The following ESR1 variants were observed in gnomAD, a reference collection of about 807,000 sequenced individuals.
The protein encoded by ESR1 is estrogen receptor.
In ESR1, 12 loss-of-function variants were observed where a neutral mutation model predicts 52.7. The observed-to-expected ratio is 0.23, with a 90% CI of 0.15 to 0.37. The LOEUF is 0.37. ESR1 is among the 10% of genes least tolerant of loss of function. The pLI is 1.00. For synonymous variants in ESR1, 305 were observed against 316.8 expected (o/e 0.96, Z 0.39); for missense variants, 584 against 779.7 (o/e 0.75, Z 2.99).
chr6:151,872,133 C>T (rs1791080824), intron 2 of ESR1, among the ~76,000 whole-genome samples: 1 of 152,196 alleles, frequency 6.6e-6, no homozygotes, highest in Admixed American at 6.5e-5. Context: ...TTGCTTTCCA[C>T]TTGTTGGAAG....
chr6:151,930,329 T>A (rs1342027074), intron 3 of ESR1, among the ~76,000 whole-genome samples: 1 of 152,156 alleles, frequency 6.6e-6, no homozygotes, highest in East Asian at 1.9e-4. Flanking sequence ...GCCGCTAAAG[T>A]TCACAGTATA....
chr6:152,122,388 C>T lies in ESR1; in HGVS notation c.851-2878C>T, dbSNP rs369250392. The T allele has an allele frequency of 2.0e-5, 32 of 1,613,284 alleles. No individual in the cohort carries two copies. In the African/African-American group the frequency reaches 2.7e-4, roughly 13 times the overall value. ...TGGTAGTTTGGGATTGCTTATGACC[C>T]GATCCTCCTTATGCTACCAGCACTT... is the stretch of plus-strand genomic sequence containing the variant. On this transcript the variant is annotated intron_variant, in intron 6 of 6. Coordinates refer to the ESR1 transcript ENST00000427531.
chr6:151,667,456 TTG>T (rs1777871400), intron 1 of ESR1, among the ~76,000 whole-genome samples: 1 of 152,108 alleles, frequency 6.6e-6, no homozygotes, highest in Non-Finnish European at 1.5e-5. Flanking sequence ...GGATCCCCAT[TTG>T]TGAGGGAGCT....
chr6:152,057,137 C>G (rs755293147), intron 5 of ESR1, among the ~76,000 whole-genome samples: 11 of 152,096 alleles, frequency 7.2e-5, no homozygotes, highest in Non-Finnish European at 1.0e-4. Context: ...TGAAGAGTTC[C>G]TTTGCATCAG....
intron 1 of ESR1, among the ~76,000 whole-genome samples, chr6:151,697,189 A>G (rs969138974): frequency 2.6e-5 from 4 of 152,214 alleles, no homozygotes; most frequent in Non-Finnish European, 5.9e-5. Context: ...GAGTGGGTAC[A>G]TCAATTCGGA....
At chr6:152,014,215 G>A (rs2042992647) in intron 5 of ESR1, among the ~76,000 whole-genome samples, 1 of 152,128 alleles carries the variant, frequency 6.6e-6, no homozygotes, top group African/African-American at 2.4e-5. Flanking sequence ...CCAGTCTCAG[G>A]TAGGTCTTTA....
At chr6:151,724,122 T>C (rs1237329647) in intron 2 of ESR1, among the ~76,000 whole-genome samples, 2 of 152,014 alleles carry the variant, frequency 1.3e-5, no homozygotes, top group South Asian at 2.1e-4. Context: ...CCAGATAGGC[T>C]TGGGATCTAG....
Position 152,094,088 on chromosome 6 carries a change from C to T in ESR1, c.1370-297C>T, listed in dbSNP as rs1352402974. ...ATGGACAATTCATGATGGTGTCAGA[C>T]CTGTCTGAGAAAAGGTGGCCCATGT... On this transcript the variant is annotated intron_variant, in intron 6 of 7. Coordinates refer to ENST00000206249, the MANE Select transcript of ESR1 (RefSeq NM_000125.4). The surrounding 1 kb of genome is among the most constrained non-coding windows in gnomAD (Gnocchi z 4.6). 6.6e-6 allele frequency among the ~76,000 whole-genome samples: 1 copy of T among 152,184 alleles called. No homozygotes were observed. The highest frequency in any genetic ancestry group is 2.4e-5 in the African/African-American group (1 of 41,428).
At position 151,869,379 on chromosome 6, in the gene ESR1, C is replaced by T. The variant is rs547486608; in HGVS notation, c.644-11276C>T. ...CCTCTTTGATGGTTATCTGTTGTCC[C>T]AGAAGGAACAATTTCAGAAAGTCCT... On this transcript the variant is annotated intron_variant, in intron 2 of 7. Coordinates refer to ENST00000206249, the MANE Select transcript of ESR1 (RefSeq NM_000125.4). 7.2e-4 allele frequency among the ~76,000 whole-genome samples: 109 copies of T among 152,234 alleles called. 1 individual carries two copies. The highest frequency in any genetic ancestry group is 1.2e-3 in the Non-Finnish European group (84 of 68,014).
At chr6:151,988,161 A>G (rs527941875) in intron 4 of ESR1, among the ~76,000 whole-genome samples, 1 of 152,266 alleles carries the variant, frequency 6.6e-6, no homozygotes, top group South Asian at 2.1e-4. Flanking sequence ...ACATTGCAAT[A>G]CATAAGGAAG....
chr6:151,689,751 A>C (rs1778828879), upstream of ESR1, among the ~76,000 whole-genome samples: 1 of 152,126 alleles, frequency 6.6e-6, no homozygotes, highest in Non-Finnish European at 1.5e-5. Context: ...GCCTTTTTTC[A>C]AGGCTTGTAG....
At chr6:151,915,081 A>G (rs918472889) in intron 3 of ESR1, among the ~76,000 whole-genome samples, 2 of 151,898 alleles carry the variant, frequency 1.3e-5, no homozygotes, top group Non-Finnish European at 2.9e-5. Context: ...AAACAGGTCT[A>G]TTACTCAGGA....
At chr6:151,937,049 C>T (rs1056684116) in intron 3 of ESR1, among the ~76,000 whole-genome samples, 1 of 151,958 alleles carries the variant, frequency 6.6e-6, no homozygotes, top group African/African-American at 2.4e-5. Context: ...ACAGGCTTAT[C>T]CTTGTTTTAT....
At chr6:151,723,859 G>A (rs1781641896) in intron 2 of ESR1, among the ~76,000 whole-genome samples, 1 of 152,144 alleles carries the variant, frequency 6.6e-6, no homozygotes, top group African/African-American at 2.4e-5. Context: ...GACAGAGCAA[G>A]ACTCCATCGT....
chr6:152,002,624 C>T (rs1384566742), intron 4 of ESR1, among the ~76,000 whole-genome samples: 1 of 152,026 alleles, frequency 6.6e-6, no homozygotes, highest in African/African-American at 2.4e-5. Context: ...GTCTTAAGTA[C>T]TTTACTTCAT....
At chr6:151,947,450 AC>A (rs1395428435) in intron 4 of ESR1, among the ~76,000 whole-genome samples, 1 of 152,214 alleles carries the variant, frequency 6.6e-6, no homozygotes, top group East Asian at 1.9e-4. Context: ...TCCTCAGAAT[AC>A]CTATCAATAT....
At chr6:151,829,780 G>C (rs1782090947) in intron 1 of ESR1, among the ~76,000 whole-genome samples, 2 of 152,156 alleles carry the variant, frequency 1.3e-5, no homozygotes, top group South Asian at 2.1e-4. Context: ...AGAAACTGAG[G>C]TGCAGAGGGG....
At chr6:152,073,533 C>T (rs1204988686) in intron 6 of ESR1, among the ~76,000 whole-genome samples, 1 of 152,188 alleles carries the variant, frequency 6.6e-6, no homozygotes, top group African/African-American at 2.4e-5. Flanking sequence ...AGTTCGCTGC[C>T]ACTTCTTCCT....
At chr6:151,830,693 A>G (rs1782262759) in intron 1 of ESR1, among the ~76,000 whole-genome samples, 1 of 152,238 alleles carries the variant, frequency 6.6e-6, no homozygotes, top group Non-Finnish European at 1.5e-5. Flanking sequence ...ATAAAAAGAT[A>G]CAGACTAAAT....
Sources: gnomAD v4.1 joint callset for allele counts (sites outside exome capture counted in the v4.1 genomes callset) on GRCh38, gnomAD v4.1.1 for gene constraint, Gnocchi (gnomAD v3.1) non-coding constraint, MANE v1.5 for transcripts, NCBI Gene and HGNC (gene_info 2026-07-23, HGNC 2026-07-21) for gene names.